The following ZNF704 variants were observed in gnomAD, a reference collection of about 807,000 sequenced individuals.
The protein encoded by ZNF704 is glucocorticoid induced gene 1.
Under a neutral mutation model 44.7 loss-of-function variants are expected in ZNF704, and 10 were observed. The observed-to-expected ratio is 0.22, with a 90% CI of 0.14 to 0.38. The LOEUF is 0.38. Among genes scored for constraint, ZNF704 ranks in the 10% least tolerant of loss-of-function variants. The probability of loss-of-function intolerance (pLI) is 1.00; values close to 1 mark genes in which losing one functional copy is unlikely to be tolerated. For missense variants in ZNF704, 390 were observed against 545.5 expected, an observed-to-expected ratio of 0.71 and a Z score of 2.84; for synonymous variants, 211 against 207.6, an observed-to-expected ratio of 1.02 and a Z score of -0.14.
chr8:80,705,600 TTGTG>T (rs560580852), intron 2 of ZNF704, among the ~76,000 whole-genome samples: 2 of 150,856 alleles, frequency 1.3e-5, no homozygotes. Context: ...GTGTATGCAT[TTGTG>T]TGTGTGTGTG....
chr8:80,748,988 G>A (rs1379596660), intron 2 of ZNF704, among the ~76,000 whole-genome samples: 3 of 152,188 alleles, frequency 2.0e-5, no homozygotes, highest in African/African-American at 7.2e-5. Context: ...ATTCAGCAGT[G>A]AAGAAGCAGA....
chr8:80,712,746 G>A (rs566387272), intron 2 of ZNF704, among the ~76,000 whole-genome samples: 101 of 152,094 alleles, frequency 6.6e-4, no homozygotes, highest in Non-Finnish European at 1.3e-3. Context: ...CCAGTGAGCC[G>A]AGATCGTGCC....
chr8:80,650,798 T>A (rs962685828), intron 7 of ZNF704, among the ~76,000 whole-genome samples: 1 of 152,042 alleles, frequency 6.6e-6, no homozygotes, highest in Non-Finnish European at 1.5e-5. Context: ...AATATTCAAA[T>A]TCAGGAAATA....
intron 2 of ZNF704, among the ~76,000 whole-genome samples, chr8:80,708,994 T>C (rs1228560420): frequency 6.6e-6 from 1 of 152,182 alleles, no homozygotes; most frequent in Non-Finnish European, 1.5e-5. Flanking sequence ...GTAAGCCAAC[T>C]AAAAATTATT....
intron 1 of ZNF704, among the ~76,000 whole-genome samples, chr8:80,852,914 T>C (rs1808894635): frequency 6.6e-6 from 1 of 152,174 alleles, no homozygotes; most frequent in Non-Finnish European, 1.5e-5. Flanking sequence ...CTGATGTAAA[T>C]TAAGCAAGTA....
At chr8:80,662,259 G>A (rs760106999) in intron 6 of ZNF704, among the ~76,000 whole-genome samples, 4 of 152,022 alleles carry the variant, frequency 2.6e-5, no homozygotes, top group Non-Finnish European at 4.4e-5. Context: ...TATTAACTAA[G>A]GTTTGGAATT....
At chr8:80,794,391 T>C (rs1203044429) in intron 2 of ZNF704, among the ~76,000 whole-genome samples, 1 of 152,204 alleles carries the variant, frequency 6.6e-6, no homozygotes, top group Non-Finnish European at 1.5e-5. Flanking sequence ...CAATTATTAA[T>C]AGCTCAGGTT....
intron 2 of ZNF704, among the ~76,000 whole-genome samples, chr8:80,808,931 G>A (rs1025117446): frequency 3.3e-5 from 5 of 152,184 alleles, no homozygotes; most frequent in African/African-American, 1.2e-4. Flanking sequence ...TGTCATTAAC[G>A]ATTAGGGTTA....
At chr8:80,850,090 T>C (rs1445046608) in intron 1 of ZNF704, among the ~76,000 whole-genome samples, 2 of 152,220 alleles carry the variant, frequency 1.3e-5, no homozygotes, top group Non-Finnish European at 2.9e-5. Flanking sequence ...TTTGTACTTT[T>C]ATTTATATTT....
intron 2 of ZNF704, chr8:80,814,152 A>C (rs1808137977): frequency 6.6e-6 from 1 of 152,218 alleles, no homozygotes; most frequent in South Asian, 2.1e-4. Flanking sequence ...CCCCAGAGTA[A>C]GAAGGGAGAC....
intron 1 of ZNF704, among the ~76,000 whole-genome samples, chr8:80,841,033 A>T (rs896968014): frequency 2.0e-5 from 3 of 152,222 alleles, no homozygotes; most frequent in Non-Finnish European, 1.5e-5. Context: ...GCACATAGCC[A>T]GGAGAGAAGT....
chr8:80,778,306 TAC>T (rs1287255177), intron 2 of ZNF704, among the ~76,000 whole-genome samples: 1 of 152,154 alleles, frequency 6.6e-6, no homozygotes, highest in Non-Finnish European at 1.5e-5. Flanking sequence ...CACAATGAGA[TAC>T]CATCTCACAC....
intron 1 of ZNF704, among the ~76,000 whole-genome samples, chr8:80,868,505 A>T (rs1385501622): frequency 6.6e-6 from 1 of 152,210 alleles, no homozygotes; most frequent in Non-Finnish European, 1.5e-5. Flanking sequence ...CAGGCTATGG[A>T]TGTGAGCCCA....
At chr8:80,831,109 A>G (rs537501740) in intron 1 of ZNF704, among the ~76,000 whole-genome samples, 2 of 152,164 alleles carry the variant, frequency 1.3e-5, no homozygotes, top group Non-Finnish European at 2.9e-5. Flanking sequence ...TTGTGATGCA[A>G]AGAGATAGCC....
At chr8:80,728,717 G>T (rs1415731733) in intron 2 of ZNF704, among the ~76,000 whole-genome samples, 1 of 152,164 alleles carries the variant, frequency 6.6e-6, no homozygotes, top group Non-Finnish European at 1.5e-5. Flanking sequence ...GAAGCAACAT[G>T]CTATGGTAAA....
At chr8:80,747,086 C>T (rs575959130) in intron 2 of ZNF704, among the ~76,000 whole-genome samples, 1 of 152,194 alleles carries the variant, frequency 6.6e-6, no homozygotes, top group South Asian at 2.1e-4. Flanking sequence ...CTTCCTCGAT[C>T]CCAATGCTTC....
intron 2 of ZNF704, among the ~76,000 whole-genome samples, 190 bp downstream of exon 2, chr8:80,821,184 A>G (rs1429821935): frequency 1.3e-5 from 2 of 152,250 alleles, no homozygotes; most frequent in Non-Finnish European, 1.5e-5. Context: ...TTCCAACTAC[A>G]GCAGCCTCAA....
chr8:80,762,026 G>A (rs967436648), intron 2 of ZNF704, among the ~76,000 whole-genome samples: 1 of 152,114 alleles, frequency 6.6e-6, no homozygotes, highest in Admixed American at 6.5e-5. Flanking sequence ...CATTTACTGA[G>A]GAAGTTTCAA....
chr8:80,767,049 A>G (rs1025732211), intron 2 of ZNF704, among the ~76,000 whole-genome samples: 4 of 152,098 alleles, frequency 2.6e-5, no homozygotes, highest in Non-Finnish European at 4.4e-5. Flanking sequence ...ACCACACCAT[A>G]CAGAGGTTAA....
Sources: allele counts gnomAD v4.1 joint callset (sites outside exome capture counted in the v4.1 genomes callset), GRCh38; gene constraint gnomAD v4.1.1; transcripts MANE v1.5; gene names NCBI Gene and HGNC (gene_info 2026-07-23, HGNC 2026-07-21).